Variants in IPMK observed in about 807,000 individuals in gnomAD.
The protein encoded by IPMK is inositol polyphosphate multikinase.
IPMK carries 17 observed loss-of-function variants against 45.8 expected under a neutral mutation model. That is an observed-to-expected ratio of 0.37 (90% CI 0.25 to 0.56). The LOEUF (loss-of-function observed/expected upper bound fraction) is 0.56, where lower values mean the gene tolerates loss of function less well. Among genes scored for constraint, IPMK ranks in the 20% least tolerant of loss-of-function variants. IPMK has a pLI of 0.79. For synonymous variants in IPMK, 180 were observed against 184.3 expected (o/e 0.98, Z 0.19); for missense variants, 399 against 498.0 (o/e 0.80, Z 1.89).
At chr10:58,231,725 A>G (rs1838524857) in intron 2 of IPMK, among the ~76,000 whole-genome samples, 1 of 152,156 alleles carries the variant, frequency 6.6e-6, no homozygotes, top group South Asian at 2.1e-4. Context: ...GCAAAAACAC[A>G]CCAAATTGTA....
At chr10:58,245,975 G>A (rs1373859558) in intron 1 of IPMK, among the ~76,000 whole-genome samples, 1 of 135,044 alleles carries the variant, frequency 7.4e-6, no homozygotes, top group East Asian at 2.2e-4. Context: ...CAAAATCAAC[G>A]TACAAAAATC....
chr10:58,257,480 G>T (rs551818618), intron 1 of IPMK, among the ~76,000 whole-genome samples: 9 of 152,022 alleles, frequency 5.9e-5, no homozygotes, highest in African/African-American at 2.2e-4. Flanking sequence ...GGGCAACGGA[G>T]CAAGACTCTG....
At chr10:58,238,442 G>A (rs2790215) in intron 1 of IPMK, among the ~76,000 whole-genome samples, 51,110 of 151,672 alleles carry the variant, frequency 0.34, 10,780 homozygotes, top group African/African-American at 0.6. Flanking sequence ...GACTTTTTAT[G>A]AAGTCATCAT....
rs567199184 is a variant in IPMK, at chr10:58,231,205, G to T, written c.277-4066C>A. The stretch of plus-strand genomic sequence containing the variant: ...AAAAGACCAAATCTACATTTGACTG[G>T]TATACCTGGAAGCGATGGGGAGAAT... On this transcript the variant is annotated intron_variant, in intron 2 of 5. Coordinates refer to ENST00000373935, the MANE Select transcript of IPMK (RefSeq NM_152230.5). Among the ~76,000 whole-genome samples, 33 of 152,336 alleles carry T rather than the reference G, an allele frequency of 2.2e-4. No individual in the cohort carries two copies. In the South Asian group the frequency reaches 6.8e-3, roughly 32 times the overall value.
intron 1 of IPMK, among the ~76,000 whole-genome samples, chr10:58,244,877 C>T (rs1838771591): frequency 6.6e-6 from 1 of 152,056 alleles, no homozygotes; most frequent in South Asian, 2.1e-4. Context: ...ACTCCCTAAT[C>T]TCAAGTACCC....
At chr10:58,233,538 A>C (rs1047779043) in intron 2 of IPMK, among the ~76,000 whole-genome samples, 1 of 152,212 alleles carries the variant, frequency 6.6e-6, no homozygotes, top group Admixed American at 6.5e-5. Context: ...CAATAAACGT[A>C]ATCCGTCACA....
chr10:58,208,522 T>A (rs1436439262), intron 4 of IPMK, among the ~76,000 whole-genome samples: 1 of 152,212 alleles, frequency 6.6e-6, no homozygotes, highest in Non-Finnish European at 1.5e-5. Flanking sequence ...TTTTTCTCTC[T>A]CTCTCTTAAG....
chr10:58,261,635 G>A (rs1455103720), intron 1 of IPMK, among the ~76,000 whole-genome samples: 1 of 151,704 alleles, frequency 6.6e-6, no homozygotes, highest in Non-Finnish European at 1.5e-5. Flanking sequence ...CCAGGCTGGA[G>A]TGCAGTGGCA....
In IPMK at chr10:58,196,318, C is replaced by A; in HGVS notation, c.1009G>T (p.Val337Phe). 6.2e-7 allele frequency: 1 copy of A among 1,614,180 alleles called. No individual in the cohort carries two copies. Among genetic ancestry groups the A allele is most frequent in the Non-Finnish European group, 8.5e-7 (1 of 1,180,020 alleles). The change falls in exon 6 of 6, where the codon GTT becomes TTT. Residue 337 changes from valine to phenylalanine, a missense_variant. By Grantham distance (50) the Val-to-Phe change is conservative. Transcript: ENST00000373935. ...KKHHSQTSLK[V>F]ENLEQDNGWK... ...CCATTGTCTTGCTCCAGATTTTCAA[C>A]TTTCAATGAAGTCTGACTGTGATGC...
intron 1 of IPMK, among the ~76,000 whole-genome samples, chr10:58,264,874 C>G (rs144909338): frequency 1.3e-5 from 2 of 151,728 alleles, no homozygotes; most frequent in East Asian, 1.9e-4. Flanking sequence ...AAAACAGAAC[C>G]GCGCTAATGT....
At position 58,193,885 on chromosome 10, in the gene IPMK, C is replaced by T. The variant is rs1349764484; in HGVS notation, c.*2191G>A. 6 of 151,778 alleles carry T rather than the reference C, an allele frequency of 4.0e-5. No individual in the cohort carries two copies. In the East Asian group the frequency reaches 1.2e-3, roughly 29 times the overall value. The allele number at this position is 151,778 out of a possible 1,614,324, so 9.4% of individuals were successfully genotyped here. ...ATAAACAGATACTTATTCTGTTATACCTAAGCCTACTTATAAAGCAACATA... is the reference window on the plus strand; with the variant it reads ...ATAAACAGATACTTATTCTGTTATATCTAAGCCTACTTATAAAGCAACATA... On this transcript the variant is annotated 3_prime_UTR_variant, in exon 6 of 6. Coordinates refer to ENST00000373935, the MANE Select transcript of IPMK (RefSeq NM_152230.5).
chr10:58,265,756 TG>T (rs1174608574), intron 1 of IPMK, among the ~76,000 whole-genome samples: 1 of 152,220 alleles, frequency 6.6e-6, no homozygotes, highest in Non-Finnish European at 1.5e-5. Flanking sequence ...TTAGGCAATT[TG>T]GGTGACAAAT....
At chr10:58,249,401 C>T (rs1385270169) in intron 1 of IPMK, among the ~76,000 whole-genome samples, 1 of 152,068 alleles carries the variant, frequency 6.6e-6, no homozygotes, top group African/African-American at 2.4e-5. Flanking sequence ...TTAATAATAG[C>T]CATTTTAACT....
At chr10:58,256,449 G>A (rs1405756479) in intron 1 of IPMK, among the ~76,000 whole-genome samples, 2 of 152,172 alleles carry the variant, frequency 1.3e-5, no homozygotes. Context: ...CTTGAACCCT[G>A]TTTCCTGTTA....
chr10:58,232,139 A>G (rs948212825), intron 2 of IPMK, among the ~76,000 whole-genome samples: 7 of 152,234 alleles, frequency 4.6e-5, no homozygotes, highest in African/African-American at 1.7e-4. Flanking sequence ...TAACTATCCT[A>G]AATATATATG....
At chr10:58,250,736 G>T (rs2590336) in intron 1 of IPMK, among the ~76,000 whole-genome samples, 51,509 of 152,040 alleles carry the variant, frequency 0.34, 10,976 homozygotes, top group African/African-American at 0.61. Flanking sequence ...GTGAAAATGA[G>T]CATCCTTGTC....
chr10:58,220,513 C>T (rs1315728725), intron 3 of IPMK, among the ~76,000 whole-genome samples: 2 of 152,120 alleles, frequency 1.3e-5, no homozygotes, highest in Non-Finnish European at 2.9e-5. Context: ...TAGCCTGTGA[C>T]CTCAGGAGCA....
At chr10:58,204,652 G>C (rs1029943226) in intron 4 of IPMK, among the ~76,000 whole-genome samples, 17 of 152,156 alleles carry the variant, frequency 1.1e-4, no homozygotes, top group African/African-American at 4.1e-4. Flanking sequence ...AAAATTAGTT[G>C]GGTGTGATGG....
At chr10:58,263,105 G>T (rs1273400735) in intron 1 of IPMK, among the ~76,000 whole-genome samples, 1 of 152,194 alleles carries the variant, frequency 6.6e-6, no homozygotes, top group Non-Finnish European at 1.5e-5. Flanking sequence ...ATATACTGAA[G>T]CCAGGCATGG....
Sources: allele counts gnomAD v4.1 joint callset (sites outside exome capture counted in the v4.1 genomes callset), GRCh38; gene constraint gnomAD v4.1.1; transcripts MANE v1.5; gene names NCBI Gene and HGNC (gene_info 2026-07-23, HGNC 2026-07-21).